Variants in RFK observed in about 807,000 individuals in gnomAD.
RFK encodes the protein riboflavin kinase, also known as 0610038L10Rik.
Under a neutral mutation model 17.6 loss-of-function variants are expected in RFK, and 4 were observed. The ratio of observed to expected loss-of-function variants is 0.23; its 90% CI spans 0.11 to 0.52. The LOEUF is 0.52. Ranked by LOEUF, RFK falls within the 20% of genes least tolerant of loss-of-function variation. RFK has a pLI of 0.96. For synonymous variants in RFK, 59 were observed against 63.8 expected, an observed-to-expected ratio of 0.92 and a Z score of 0.36; for missense variants, 189 against 187.7, an observed-to-expected ratio of 1.01 and a Z score of -0.04.
rs1002955626 is a variant in RFK at position 76,387,193 on chromosome 9, T to A, written c.*206A>T. 9.2e-6 allele frequency: 4 copies of A among 433,330 alleles called. No homozygotes were observed. The highest frequency in any genetic ancestry group is 7.9e-5 in the African/African-American group (4 of 50,954). 26.8% of individuals were successfully genotyped at this position (433,330 alleles called of 1,614,324 possible). On this transcript the variant is annotated 3_prime_UTR_variant, in exon 4 of 4. Coordinates refer to ENST00000376736, the MANE Select transcript of RFK (RefSeq NM_018339.6). ...ATCAATATATATTTTTTAAATCTTA[T>A]TTTTAACTCAATCTTTTTAGTGCTA...
In RFK at chr9:76,394,057, C is replaced by G. The variant is rs527278919; in HGVS notation, c.82+33G>C. 2.4e-5 allele frequency: 37 copies of G among 1,558,358 alleles called. No homozygotes were observed. The East Asian group carries it at 8.8e-4, about 37-fold the overall frequency. ...GTCTCTCCCCGCTCCCCACGTGACCCGGCCCGGGGGACTCTGGCCGCCCTG... is the reference window on the plus strand; with the variant it reads ...GTCTCTCCCCGCTCCCCACGTGACCGGGCCCGGGGGACTCTGGCCGCCCTG... On this transcript the variant is annotated intron_variant, in intron 1 of 3. Coordinates refer to ENST00000376736, the MANE Select transcript of RFK (RefSeq NM_018339.6).
chr9:76,392,501 C>T lies in RFK; in HGVS notation c.151G>A (p.Ala51Thr). ...DISTGIYYGW[A>T]SVGSGDVHKM... is the part of the protein sequence containing the mutation. ...TGGACATCTCCACTTCCAACACTGG[C>T]CCAACCATAGTAAATACCAGTGGAT... Residue 51 changes from alanine (A) to threonine (T), a missense_variant, in exon 2 of 4, where the codon GCC becomes ACC. By Grantham distance (58) the Ala-to-Thr change is moderately conservative. Transcript: ENST00000376736. The T allele has an allele frequency of 6.2e-7, 1 of 1,614,140 alleles. No homozygotes were observed. The highest frequency in any genetic ancestry group is 8.5e-7 in the Non-Finnish European group (1 of 1,179,980).
rs1252402175 is a variant in RFK at position 76,385,994 on chromosome 9, T to G, written c.*1405A>C. On this transcript the variant is annotated 3_prime_UTR_variant, in exon 4 of 4. Coordinates refer to ENST00000376736, the MANE Select transcript of RFK (RefSeq NM_018339.6). The stretch of plus-strand genomic sequence containing the variant: ...TTTTCTGAGTACTTTTTACACAGAA[T>G]ATTTTTATTAAAATCAGTTCTAATT... The G allele has an allele frequency of 6.6e-6, 1 of 152,350 alleles. No homozygotes were observed. Among genetic ancestry groups the G allele is most frequent in the Non-Finnish European group, 1.5e-5 (1 of 68,026 alleles). 9.4% of individuals were successfully genotyped at this position (152,350 alleles called of 1,614,324 possible).
At position 76,386,189 on chromosome 9, in the gene RFK, ATTAG is replaced by A. The variant is rs1003985391; in HGVS notation, c.*1206_*1209del. 2 of 152,146 alleles carry A rather than the reference ATTAG, an allele frequency of 1.3e-5. No individual in the cohort carries two copies. The highest frequency in any genetic ancestry group is 4.8e-5 in the African/African-American group (2 of 41,428). The allele number at this position is 152,146 out of a possible 1,614,324, so 9.4% of individuals were successfully genotyped here. On this transcript the variant is annotated 3_prime_UTR_variant, in exon 4 of 4. Transcript: ENST00000376736. ...CATCTGTAATCTTAATTTCCCACAT[ATTAG>A]TTAGTAGGAGGAAAAATCCACAGTA...
chr9:76,390,347 T>A (rs4745541), intron 2 of RFK, among the ~76,000 whole-genome samples: 44,419 of 151,806 alleles, frequency 0.29, 6,692 homozygotes, highest in East Asian at 0.38. Context: ...ATAAAAAAAA[T>A]ATTGAACTGG....
intron 1 of RFK, 157 bp downstream of exon 1, chr9:76,393,933 G>C (rs939335849): frequency 1.5e-6 from 1 of 675,790 alleles, no homozygotes. Context: ...CCGAGCCAAC[G>C]GTCCTCCGCC....
In RFK at chr9:76,388,442, T is replaced by C. The variant is rs952197272; in HGVS notation, c.337+112A>G. ...AAAGCACTTAAAACGGTGCCTGGCA[T>C]ATATTAAATGCTCAAATATTATCTG... On this transcript the variant is annotated intron_variant, in intron 3 of 3. Transcript: ENST00000376736. 2.0e-5 allele frequency: 14 copies of C among 716,572 alleles called. No individual in the cohort carries two copies. The African/African-American group carries it at 2.3e-4, about 12-fold the overall frequency. The allele number at this position is 716,572 out of a possible 1,614,324, so 44.4% of individuals were successfully genotyped here.
chr9:76,387,622 C>A, intron 3 of RFK, 93 bp from the exon 4 acceptor site: 2 of 1,221,094 alleles, frequency 1.6e-6, no homozygotes, highest in Non-Finnish European at 1.2e-6. Context: ...AACTCACAGG[C>A]TGGCAGTATC....
chr9:76,391,696 C>T (rs886644700), intron 2 of RFK, among the ~76,000 whole-genome samples: 1 of 152,144 alleles, frequency 6.6e-6, no homozygotes, highest in Admixed American at 6.5e-5. Context: ...TTATTTTCTA[C>T]ATAATTTAAA....
chr9:76,388,506 C>T (rs778681097), intron 3 of RFK, 48 bp downstream of exon 3: 5 of 1,122,772 alleles, frequency 4.5e-6, no homozygotes, highest in African/African-American at 1.5e-5. Flanking sequence ...GGTAGAGTTA[C>T]CTGTGGTAGC....
chr9:76,387,422 T>C lies in RFK; in HGVS notation c.445A>G (p.Ser149Gly). 2 of 1,609,528 alleles carry C rather than the reference T, an allele frequency of 1.2e-6. No individual in the cohort carries two copies. Among genetic ancestry groups the C allele is most frequent in the South Asian group, 2.2e-5 (2 of 90,926 alleles). Residue 149 changes from serine to glycine, a missense_variant, in exon 4 of 4, where the codon AGC (serine) becomes GGC (glycine). Ser to Gly is a moderately conservative substitution (Grantham distance 56). Coordinates refer to ENST00000376736, the MANE Select transcript of RFK (RefSeq NM_018339.6). ...KEDNFFQVSK[S>G]KIMNGH Reference sequence around the variant, plus strand: ...CATCAGTGGCCATTCATTATTTTGCTTTTAGAAACCTGGAAGAAATTGTCT... The same window carrying C: ...CATCAGTGGCCATTCATTATTTTGCCTTTAGAAACCTGGAAGAAATTGTCT...
chr9:76,392,304 T>G (rs1029358660), intron 2 of RFK, 114 bp downstream of exon 2: 2 of 1,049,226 alleles, frequency 1.9e-6, no homozygotes, highest in Admixed American at 2.3e-5. Flanking sequence ...AAAATTCCAG[T>G]ATTTGAACTA....
At chr9:76,387,971 G>A in intron 3 of RFK, 1 of 267,092 alleles carries the variant, frequency 3.7e-6, no homozygotes, top group South Asian at 3.5e-5. Flanking sequence ...ACTCCAGCCT[G>A]GGTAACAAAG....
Position 76,387,260 on chromosome 9 carries a change from T to C in RFK, c.*139A>G, listed in dbSNP as rs915480187. On this transcript the variant is annotated 3_prime_UTR_variant, in exon 4 of 4. Transcript: ENST00000376736. ...ATTTAATAGTTGAAGCATGATATGA[T>C]AACAACATTGTACGGTTTAAACTAA... 2 of 737,682 alleles carry C rather than the reference T, an allele frequency of 2.7e-6. No homozygotes were observed. 45.7% of individuals were successfully genotyped at this position (737,682 alleles called of 1,614,324 possible). A position where few individuals can be genotyped will look rare whatever the true frequency, so the allele number is the denominator to read the frequency against.
chr9:76,392,411 T>G lies in RFK; in HGVS notation c.234+7A>C. Reference sequence around the variant, plus strand: ...TTTTCGGTTACAGAGCAAAATATAATGCTTACCATAGACTTCTTCGTATTC... The same window carrying G: ...TTTTCGGTTACAGAGCAAAATATAAGGCTTACCATAGACTTCTTCGTATTC... On this transcript the variant is annotated splice_region_variant and intron_variant, in intron 2 of 3. Coordinates refer to ENST00000376736, the MANE Select transcript of RFK (RefSeq NM_018339.6). The G allele has an allele frequency of 1.2e-6, 2 of 1,613,928 alleles. No individual in the cohort carries two copies. Among genetic ancestry groups the G allele is most frequent in the Non-Finnish European group, 1.7e-6 (2 of 1,179,912 alleles).
Position 76,387,341 on chromosome 9 carries a change from C to G in RFK, c.*58G>C. On this transcript the variant is annotated 3_prime_UTR_variant, in exon 4 of 4. Coordinates refer to ENST00000376736, the MANE Select transcript of RFK (RefSeq NM_018339.6). Reference sequence around the variant, plus strand: ...AGTATATAACCAAGATGATGCTGAACAGTAATAAACACAGAAACACTAGAA... The same window carrying G: ...AGTATATAACCAAGATGATGCTGAAGAGTAATAAACACAGAAACACTAGAA... The G allele has an allele frequency of 1.3e-6, 2 of 1,483,458 alleles. No homozygotes were observed. Among genetic ancestry groups the G allele is most frequent in the Non-Finnish European group, 1.8e-6 (2 of 1,084,496 alleles). 91.9% of individuals were successfully genotyped at this position (1,483,458 alleles called of 1,614,324 possible). A position where few individuals can be genotyped will look rare whatever the true frequency, so the allele number is the denominator to read the frequency against.
rs1278992891 is a variant in RFK at position 76,386,741 on chromosome 9, TAAAAC to T, written c.*653_*657del. The T allele has an allele frequency of 6.6e-6, 1 of 152,200 alleles. No individual in the cohort carries two copies. The highest frequency in any genetic ancestry group is 2.4e-5 in the African/African-American group (1 of 41,454). 9.4% of individuals were successfully genotyped at this position (152,200 alleles called of 1,614,324 possible). ...ATGATGTGACTGCAAAGAAAATGAC[TAAAAC>T]AAAACTTTACAAACATCTTCATGTT... is the stretch of plus-strand genomic sequence containing the variant. On this transcript the variant is annotated 3_prime_UTR_variant, in exon 4 of 4. Transcript: ENST00000376736.
chr9:76,387,458 T>G lies in RFK; in HGVS notation c.409A>C (p.Lys137Gln). The change falls in exon 4 of 4, where the codon AAA becomes CAA. Residue 137 changes from lysine (K) to glutamine (Q), a missense_variant. Physicochemically the swap from Lys to Gln is moderately conservative, Grantham distance 53 (BLOSUM62 1). Transcript: ENST00000376736. ...TGGAAGAAATTGTCTTCTTTGATTT[T>G]CAAATGTTCTGGTAACTCTAGTCGT... ...KKRLELPEHL[K>Q]IKEDNFFQVS... 2 of 1,611,986 alleles carry G rather than the reference T, an allele frequency of 1.2e-6. No homozygotes were observed. Among genetic ancestry groups the G allele is most frequent in the Non-Finnish European group, 8.5e-7 (1 of 1,179,458 alleles).
At chr9:76,392,345 G>A in intron 2 of RFK, 73 bp downstream of exon 2, 2 of 1,486,586 alleles carry the variant, frequency 1.3e-6, no homozygotes, top group South Asian at 1.2e-5. Context: ...AGCTATTTCT[G>A]TAACGAATAC....
Sources: allele counts gnomAD v4.1 joint callset (sites outside exome capture counted in the v4.1 genomes callset), GRCh38; gene constraint gnomAD v4.1.1; transcripts MANE v1.5; gene names NCBI Gene and HGNC (gene_info 2026-07-23, HGNC 2026-07-21).